The following TMEM132C variants were observed in gnomAD, a reference collection of about 807,000 sequenced individuals.
The protein encoded by TMEM132C is protein phosphatase 1, regulatory subunit 152.
TMEM132C carries 29 observed loss-of-function variants against 61.4 expected under a neutral mutation model. That is an observed-to-expected ratio of 0.47 (90% CI 0.35 to 0.64). The LOEUF (loss-of-function observed/expected upper bound fraction) is 0.64. TMEM132C is among the 30% of genes least tolerant of loss of function. The pLI is 0.00. For missense variants in TMEM132C, 1,408 were observed against 1,476.9 expected (o/e 0.95, Z 0.76); for synonymous variants, 656 against 633.1 (o/e 1.04, Z -0.54).
chr12:128,406,500 G>A (rs1008073235), intron 1 of TMEM132C, among the ~76,000 whole-genome samples: 8 of 152,132 alleles, frequency 5.3e-5, no homozygotes, highest in Admixed American at 4.6e-4. Context: ...AGAGGTGCAT[G>A]GTGTTTTGGG....
At chr12:128,547,222 G>T (rs778061563) in intron 3 of TMEM132C, among the ~76,000 whole-genome samples, 1 of 152,128 alleles carries the variant, frequency 6.6e-6, no homozygotes, top group Non-Finnish European at 1.5e-5. Context: ...AGTATCTGAA[G>T]CCTCATTGGC....
chr12:128,392,150 C>T (rs1383870249), intron 1 of TMEM132C, among the ~76,000 whole-genome samples: 1 of 151,748 alleles, frequency 6.6e-6, no homozygotes, highest in Non-Finnish European at 1.5e-5. Flanking sequence ...ACAGGGAGCT[C>T]CGTGCTTTGA....
intron 3 of TMEM132C, among the ~76,000 whole-genome samples, chr12:128,553,365 A>T (rs1874234276): frequency 6.6e-6 from 1 of 152,188 alleles, no homozygotes; most frequent in South Asian, 2.1e-4. Context: ...TCATAAAAAC[A>T]TATTCAAAGA....
intron 4 of TMEM132C, among the ~76,000 whole-genome samples, chr12:128,628,107 C>CT (rs1954034515): frequency 1.3e-5 from 2 of 152,154 alleles, no homozygotes; most frequent in Admixed American, 6.5e-5. Context: ...CCCCCCACCT[C>CT]ACCACTTCCA....
At chr12:128,653,328 G>A (rs141595416) in intron 4 of TMEM132C, among the ~76,000 whole-genome samples, 3 of 152,314 alleles carry the variant, frequency 2.0e-5, no homozygotes, top group Non-Finnish European at 4.4e-5. Context: ...TAAGGGAGGT[G>A]TTCTGAAGCT....
chr12:128,374,899 C>T (rs573797911), intron 1 of TMEM132C, among the ~76,000 whole-genome samples: 58 of 118,584 alleles, frequency 4.9e-4, no homozygotes, highest in African/African-American at 1.7e-3. Context: ...CCAGCCTGGG[C>T]GACAAACTCC....
At chr12:128,354,432 CCTCT>C (rs1398417403) in intron 1 of TMEM132C, among the ~76,000 whole-genome samples, 1 of 144,804 alleles carries the variant, frequency 6.9e-6, no homozygotes, top group East Asian at 2.0e-4. Flanking sequence ...TCTTTTTCTT[CCTCT>C]CTCCTTCCTT....
At chr12:128,448,493 C>T (rs1015988555) in intron 2 of TMEM132C, among the ~76,000 whole-genome samples, 17 of 152,156 alleles carry the variant, frequency 1.1e-4, no homozygotes, top group African/African-American at 3.6e-4. Flanking sequence ...CCTACTCTAG[C>T]GGGCCAGCCT....
chr12:128,408,942 C>A (rs750944007), intron 1 of TMEM132C, among the ~76,000 whole-genome samples: 5 of 152,038 alleles, frequency 3.3e-5, no homozygotes, highest in Admixed American at 3.3e-4. Context: ...CATATGCTGG[C>A]GGGTTGCACA....
At chr12:128,283,042 G>A (rs1365324031) in intron 1 of TMEM132C, among the ~76,000 whole-genome samples, 1 of 152,166 alleles carries the variant, frequency 6.6e-6, no homozygotes, top group African/African-American at 2.4e-5. Flanking sequence ...GACATATTTT[G>A]TGGAAAGATG....
At chr12:128,632,751 C>T (rs747153342) in intron 4 of TMEM132C, among the ~76,000 whole-genome samples, 4 of 152,174 alleles carry the variant, frequency 2.6e-5, no homozygotes, top group South Asian at 2.1e-4. Context: ...TGAAACCTTG[C>T]GTTTTCCATT....
intron 1 of TMEM132C, among the ~76,000 whole-genome samples, chr12:128,383,126 AGTT>A (rs746767902): frequency 8.6e-5 from 13 of 151,922 alleles, no homozygotes; most frequent in African/African-American, 2.7e-4. Flanking sequence ...GTGTGTATGC[AGTT>A]GTTTAGGTGT....
intron 2 of TMEM132C, among the ~76,000 whole-genome samples, chr12:128,490,319 TG>T (rs1407782800): frequency 6.6e-6 from 1 of 152,188 alleles, no homozygotes; most frequent in Non-Finnish European, 1.5e-5. Flanking sequence ...GGCCCTTCAG[TG>T]GTCAGAAGCA....
chr12:128,683,774 C>A (rs1954653358), intron 5 of TMEM132C, among the ~76,000 whole-genome samples: 2 of 152,126 alleles, frequency 1.3e-5, no homozygotes, highest in Non-Finnish European at 2.9e-5. Context: ...CGAGACCAGC[C>A]TGATCAACAT....
chr12:128,525,566 G>A (rs1593086018), intron 2 of TMEM132C, among the ~76,000 whole-genome samples: 1 of 152,270 alleles, frequency 6.6e-6, no homozygotes, highest in African/African-American at 2.4e-5. Context: ...TGTGTCAGTG[G>A]CACACAGGGC....
chr12:128,328,944 C>T (rs1400417888), intron 1 of TMEM132C, among the ~76,000 whole-genome samples: 1 of 152,160 alleles, frequency 6.6e-6, no homozygotes, highest in Non-Finnish European at 1.5e-5. Flanking sequence ...TGCCTATCCT[C>T]TGTGTGCTTT....
chr12:128,418,736 G>A (rs147799949), intron 2 of TMEM132C, among the ~76,000 whole-genome samples: 4 of 152,296 alleles, frequency 2.6e-5, no homozygotes, highest in South Asian at 2.1e-4. Context: ...GGGTCAGAAT[G>A]TAGGTTTTAG....
chr12:128,571,230 C>T (rs943231921), intron 3 of TMEM132C, among the ~76,000 whole-genome samples: 25 of 152,316 alleles, frequency 1.6e-4, no homozygotes, highest in African/African-American at 5.8e-4. Context: ...TTAACCAACC[C>T]TTATTGCCTG....
chr12:128,505,655 C>T (rs768420134), intron 2 of TMEM132C, among the ~76,000 whole-genome samples: 1 of 152,196 alleles, frequency 6.6e-6, no homozygotes, highest in Non-Finnish European at 1.5e-5. Context: ...AGCCATTGCC[C>T]ATTATTAAAA....
Sources: allele counts gnomAD v4.1 joint callset (sites outside exome capture counted in the v4.1 genomes callset), GRCh38; gene constraint gnomAD v4.1.1; transcripts MANE v1.5; gene names NCBI Gene and HGNC (gene_info 2026-07-23, HGNC 2026-07-21).